MFSD11: variants seen among roughly 807,000 people sequenced by gnomAD.
MFSD11 encodes the protein major facilitator superfamily domain containing 11, also known as UNC93-like protein MFSD11.
Under a neutral mutation model 53.5 loss-of-function variants are expected in MFSD11, and 36 were observed. The observed-to-expected ratio is 0.67, with a 90% CI of 0.52 to 0.89. The LOEUF (loss-of-function observed/expected upper bound fraction) is 0.89, where lower values mean the gene tolerates loss of function less well. Among genes scored for constraint, MFSD11 ranks in the 40% least tolerant of loss-of-function variants. The pLI is 0.00. For missense variants in MFSD11, 530 were observed against 543.9 expected (o/e 0.97, Z 0.25); for synonymous variants, 186 against 184.9 (o/e 1.01, Z -0.05).
chr17:76,787,004 G>A, the MFSD11 span, among the ~76,000 whole-genome samples: 6 of 151,744 alleles, frequency 4.0e-5, no homozygotes, highest in Non-Finnish European at 8.8e-5. Context: ...TAATAGAGAT[G>A]GGGTTTCATG....
chr17:76,793,596 C>T, the MFSD11 span, among the ~76,000 whole-genome samples: 1,724 of 151,226 alleles, frequency 0.011, 92 homozygotes, highest in East Asian at 0.17. Context: ...CCTCAGTTTA[C>T]GAGATGACAG....
Position 76,766,047 on chromosome 17 carries a change from G to A in MFSD11, c.683-1339G>A, listed in dbSNP as rs565670234. Reference sequence around the variant, plus strand: ...GGTTTGTACAAATATATAATGACATGCATTCATCATGATAGGATCATACTA... The same window carrying A: ...GGTTTGTACAAATATATAATGACATACATTCATCATGATAGGATCATACTA... On this transcript the variant is annotated intron_variant, in intron 8 of 12. Coordinates refer to ENST00000685175, the MANE Select transcript of MFSD11 (RefSeq NM_001242532.5). Among the ~76,000 whole-genome samples the A allele has an allele frequency of 4.0e-5, 6 of 150,200 alleles. No individual in the cohort carries two copies. The East Asian group carries it at 7.7e-4, about 19-fold the overall frequency.
downstream of MFSD11, among the ~76,000 whole-genome samples, chr17:76,785,411 A>G (rs564527543): frequency 2.0e-5 from 3 of 152,250 alleles, no homozygotes; most frequent in East Asian, 5.8e-4. Context: ...AACATAGCTC[A>G]CTGCAACCTC....
At chr17:76,755,812 A>ATATATATATTT in intron 8 of MFSD11, among the ~76,000 whole-genome samples, 6 of 19,516 alleles carry the variant, frequency 3.1e-4, no homozygotes, top group African/African-American at 6.6e-4. Flanking sequence ...ATATATATAT[A>ATATATATATTT]TTTTTTTTTT....
downstream of MFSD11, among the ~76,000 whole-genome samples, chr17:76,781,910 G>A (rs1470653535): frequency 6.6e-6 from 1 of 151,658 alleles, no homozygotes; most frequent in Non-Finnish European, 1.5e-5. Flanking sequence ...CAGCTTTGAC[G>A]TCTTGGGCTC....
At chr17:76,775,230 A>G in intron 11 of MFSD11, 59 bp downstream of exon 11, 1 of 1,503,290 alleles carries the variant, frequency 6.7e-7, no homozygotes, top group Non-Finnish European at 9.1e-7. Flanking sequence ...ACGGATGGCT[A>G]GATACTGAAA....
At chr17:76,739,861 A>C (rs1354569674) in intron 2 of MFSD11, among the ~76,000 whole-genome samples, 1 of 152,144 alleles carries the variant, frequency 6.6e-6, no homozygotes, top group African/African-American at 2.4e-5. Context: ...TTTTGTCTTC[A>C]TGTGTATTCT....
chr17:76,800,989 A>C, the MFSD11 span, among the ~76,000 whole-genome samples: 1 of 151,908 alleles, frequency 6.6e-6, no homozygotes. Context: ...AGGCAGGAGA[A>C]TCGCTTGAAC....
chr17:76,800,860 T>C, the MFSD11 span, among the ~76,000 whole-genome samples: 1 of 152,116 alleles, frequency 6.6e-6, no homozygotes, highest in African/African-American at 2.4e-5. Flanking sequence ...GCAGATCACC[T>C]GAGGTCAGGA....
intron 5 of MFSD11, 98 bp downstream of exon 5, chr17:76,742,371 T>TA: frequency 1.1e-6 from 1 of 949,506 alleles, no homozygotes; most frequent in Non-Finnish European, 1.6e-6. Context: ...TCTTCCATGT[T>TA]ACGTGACTTA....
chr17:76,779,560 C>G (rs967743068), downstream of MFSD11, among the ~76,000 whole-genome samples: 1 of 152,134 alleles, frequency 6.6e-6, no homozygotes, highest in African/African-American at 2.4e-5. Context: ...TCTCAGCTCA[C>G]TGCAACCTCT....
the MFSD11 span, among the ~76,000 whole-genome samples, chr17:76,788,253 G>T: frequency 6.7e-6 from 1 of 149,310 alleles, no homozygotes; most frequent in Non-Finnish European, 1.5e-5. Context: ...TGTTGTCCAG[G>T]CTGGTTTCAA....
upstream of MFSD11, chr17:76,738,038 C>T (rs979176941): frequency 5.3e-6 from 2 of 378,592 alleles, no homozygotes; most frequent in Admixed American, 4.5e-5. Flanking sequence ...CCGGCTGCTG[C>T]GGCTGGCACT....
chr17:76,778,261 T>C lies in MFSD11; in HGVS notation c.1259T>C (p.Ile420Thr). ...LLHWQLLVMVIFGFFGTISFF... is the reference protein window; with the variant it reads ...LLHWQLLVMVTFGFFGTISFF... ...CACTGGCAACTCCTGGTCATGGTGA[T>C]ATTTGGGTTTTTTGGAACAATTTCT... is the stretch of plus-strand genomic sequence containing the variant. The change falls in exon 13 of 13, where the codon ATA becomes ACA. Residue 420 changes from isoleucine (I) to threonine (T), a missense_variant. Coordinates refer to ENST00000685175, the MANE Select transcript of MFSD11 (RefSeq NM_001242532.5). 1 of 1,614,134 alleles carries C rather than the reference T, an allele frequency of 6.2e-7. No individual in the cohort carries two copies.
At chr17:76,742,303 C>T in intron 5 of MFSD11, 30 bp downstream of exon 5, 1 of 1,563,236 alleles carries the variant, frequency 6.4e-7, no homozygotes, top group Non-Finnish European at 8.8e-7. Context: ...TCAGTCTTTC[C>T]TTTTCTTTCT....
chr17:76,778,266 G>A lies in MFSD11; in HGVS notation c.1264G>A (p.Gly422Arg). The A allele has an allele frequency of 6.2e-7, 1 of 1,614,146 alleles. No individual in the cohort carries two copies. The highest frequency in any genetic ancestry group is 1.7e-5 in the Admixed American group (1 of 59,996). Reference protein sequence around the residue: ...HWQLLVMVIFGFFGTISFFTV... With the variant: ...HWQLLVMVIFRFFGTISFFTV... Reference sequence around the variant, plus strand: ...GCAACTCCTGGTCATGGTGATATTTGGGTTTTTTGGAACAATTTCTTTCTT... The same window carrying A: ...GCAACTCCTGGTCATGGTGATATTTAGGTTTTTTGGAACAATTTCTTTCTT... Residue 422 changes from glycine to arginine, a missense_variant, in exon 13 of 13, where the codon GGG becomes AGG. Gly to Arg is a moderately radical substitution (Grantham distance 125). Coordinates refer to ENST00000685175, the MANE Select transcript of MFSD11 (RefSeq NM_001242532.5).
downstream of MFSD11, among the ~76,000 whole-genome samples, chr17:76,782,057 G>T (rs1382903156): frequency 6.6e-6 from 1 of 150,680 alleles, no homozygotes; most frequent in Non-Finnish European, 1.5e-5. Flanking sequence ...CTGGACTCCA[G>T]TGATCCTCCT....
At chr17:76,768,706 T>G (rs1432038162) in intron 9 of MFSD11, among the ~76,000 whole-genome samples, 2 of 151,946 alleles carry the variant, frequency 1.3e-5, no homozygotes, top group Non-Finnish European at 2.9e-5. Context: ...GAATAGGGGC[T>G]GGGCACAGTG....
intron 10 of MFSD11, among the ~76,000 whole-genome samples, chr17:76,771,130 G>A (rs974111932): frequency 2.0e-5 from 3 of 152,228 alleles, no homozygotes; most frequent in Non-Finnish European, 4.4e-5. Context: ...GGGCCTGGAA[G>A]TTCTAGCCCT....
Sources: allele counts gnomAD v4.1 joint callset (sites outside exome capture counted in the v4.1 genomes callset), GRCh38; gene constraint gnomAD v4.1.1; transcripts MANE v1.5; gene names NCBI Gene and HGNC (gene_info 2026-07-23, HGNC 2026-07-21).